The following METTL9 variants were observed in gnomAD, a reference collection of about 807,000 sequenced individuals.
The protein encoded by METTL9 is protein-L-histidine N-pros-methyltransferase.
In METTL9, 10 loss-of-function variants were observed where a neutral mutation model predicts 36.0. The observed-to-expected ratio is 0.28, with a 90% CI of 0.17 to 0.47. METTL9 has a LOEUF of 0.47. METTL9 is among the 20% of genes least tolerant of loss of function. The pLI is 0.99. For missense variants in METTL9, 246 were observed against 383.5 expected (o/e 0.64, Z 3.00); for synonymous variants, 175 against 149.7 (o/e 1.17, Z -1.23).
chr16:21,652,517 G>GA (rs1345325061), intron 4 of METTL9: 1 of 1,598,906 alleles, frequency 6.3e-7, no homozygotes, highest in East Asian at 2.2e-5. Context: ...AGGAGGAGAA[G>GA]AAAAAGAACC....
chr16:21,652,350 T>C, intron 4 of METTL9: 1 of 489,190 alleles, frequency 2.0e-6, no homozygotes, highest in Non-Finnish European at 3.6e-6. Flanking sequence ...TATGAAACTT[T>C]TTCTCAGCTA....
intron 4 of METTL9, chr16:21,640,924 C>T (rs964317598): frequency 6.6e-6 from 1 of 152,066 alleles, no homozygotes; most frequent in South Asian, 2.1e-4. Context: ...TCTGTTTAAC[C>T]TTCAGCTTTG....
At chr16:21,647,618 G>A in intron 4 of METTL9, 4 of 1,247,802 alleles carry the variant, frequency 3.2e-6, no homozygotes, top group Non-Finnish European at 4.3e-6. Context: ...ATATAAATAA[G>A]ACTAAAAATA....
Position 21,644,328 on chromosome 16 carries a change from C to T in METTL9, c.752-10899C>T, listed in dbSNP as rs1013950435. 10 of 1,613,870 alleles carry T rather than the reference C, an allele frequency of 6.2e-6. No homozygotes were observed. The African/African-American group carries it at 1.2e-4, about 19-fold the overall frequency. On this transcript the variant is annotated intron_variant, in intron 4 of 4. Transcript: ENST00000358154. ...ATGAAGGCCACGCACACACCGGTCA[C>T]ATAGACAGAGAGCAGTGATACAAGA...
chr16:21,611,235 G>C (rs1965417749), intron 1 of METTL9, among the ~76,000 whole-genome samples: 1 of 152,182 alleles, frequency 6.6e-6, no homozygotes, highest in African/African-American at 2.4e-5. Context: ...TTTGTAAAAT[G>C]ATTAATCTCT....
rs1367689730 is a variant in METTL9 at position 21,606,809 on chromosome 16, T to G, written c.166-5836T>G. ...GTATTTTTTATTATACCACATCATCTAAAATCAGTCAGTTTTTAAAATTAC... is the reference window on the plus strand; with the variant it reads ...GTATTTTTTATTATACCACATCATCGAAAATCAGTCAGTTTTTAAAATTAC... On this transcript the variant is annotated intron_variant, in intron 1 of 4. Coordinates refer to ENST00000358154, the MANE Select transcript of METTL9 (RefSeq NM_016025.5). Among the ~76,000 whole-genome samples, 3 of 152,234 alleles carry G rather than the reference T, an allele frequency of 2.0e-5. No individual in the cohort carries two copies. In the East Asian group the frequency reaches 5.8e-4, roughly 29 times the overall value.
intron 2 of METTL9, among the ~76,000 whole-genome samples, chr16:21,615,418 C>T (rs1411118992): frequency 1.3e-5 from 2 of 151,928 alleles, no homozygotes; most frequent in Non-Finnish European, 2.9e-5. Context: ...TTTATAGAGA[C>T]GGGGTTTCAC....
chr16:21,606,575 C>G (rs1386763290), intron 1 of METTL9, among the ~76,000 whole-genome samples: 1 of 152,114 alleles, frequency 6.6e-6, no homozygotes, highest in Non-Finnish European at 1.5e-5. Flanking sequence ...ACTCAGTCTT[C>G]AACTCCTTTC....
intron 4 of METTL9, chr16:21,647,049 G>T: frequency 6.4e-7 from 1 of 1,569,916 alleles, no homozygotes; most frequent in East Asian, 2.2e-5. Flanking sequence ...TTTATCTCCT[G>T]ATTTCTACAT....
At chr16:21,623,977 G>T (rs1350959328) in intron 3 of METTL9, among the ~76,000 whole-genome samples, 1 of 152,096 alleles carries the variant, frequency 6.6e-6, no homozygotes, top group Non-Finnish European at 1.5e-5. Flanking sequence ...CACCATGTTG[G>T]CCTGGATGGT....
chr16:21,651,164 A>G (rs1339686542), intron 4 of METTL9, among the ~76,000 whole-genome samples: 5 of 152,172 alleles, frequency 3.3e-5, no homozygotes, highest in Non-Finnish European at 7.4e-5. Flanking sequence ...CGGAGCTTGC[A>G]GTGAGCCGAG....
At position 21,647,316 on chromosome 16, in the gene METTL9, C is replaced by T. The variant is rs967018221; in HGVS notation, c.752-7911C>T. ...AACTTGTCTGCCTCACTTTTGCACC[C>T]GTCCAAGCACAGGTTCTCAGGCTGG... On this transcript the variant is annotated intron_variant, in intron 4 of 4. Transcript: ENST00000358154. 1.2e-5 allele frequency: 20 copies of T among 1,614,054 alleles called. No individual in the cohort carries two copies. In the Middle Eastern group the frequency reaches 1.8e-3, roughly 146 times the overall value.
chr16:21,625,676 T>C (rs1965800398), intron 4 of METTL9, among the ~76,000 whole-genome samples: 1 of 152,188 alleles, frequency 6.6e-6, no homozygotes, highest in African/African-American at 2.4e-5. Context: ...AAGAATATGT[T>C]AGAAGAAACG....
At chr16:21,618,778 A>C (rs1476342164) in intron 3 of METTL9, among the ~76,000 whole-genome samples, 1 of 151,506 alleles carries the variant, frequency 6.6e-6, no homozygotes, top group Non-Finnish European at 1.5e-5. Context: ...CAGTGGCACG[A>C]TCTCGGCTCA....
chr16:21,624,789 A>G (rs1965782707), intron 3 of METTL9, 142 bp from the exon 4 acceptor site: 2 of 772,012 alleles, frequency 2.6e-6, no homozygotes, highest in Non-Finnish European at 2.0e-6. Context: ...TGGCCATGTC[A>G]TTATTGCAAA....
intron 4 of METTL9, chr16:21,647,336 G>C: frequency 1.2e-5 from 19 of 1,614,172 alleles, no homozygotes; most frequent in Non-Finnish European, 1.6e-5. Context: ...CAGGTTCTCA[G>C]GCTGGTGAGC....
chr16:21,618,301 C>T (rs1008520737), intron 3 of METTL9, among the ~76,000 whole-genome samples: 2 of 152,078 alleles, frequency 1.3e-5, no homozygotes. Context: ...AAAGGCAGAT[C>T]AGAAGAAGGG....
Position 21,611,103 on chromosome 16 carries a change from A to T in METTL9, c.166-1542A>T, listed in dbSNP as rs369148144. ...TTCATAGCTTGTCATATAGAGTAGG[A>T]AAAATAAAAACAGTTTTATATATAA... On this transcript the variant is annotated intron_variant, in intron 1 of 4. Coordinates refer to ENST00000358154, the MANE Select transcript of METTL9 (RefSeq NM_016025.5). Among the ~76,000 whole-genome samples the T allele has an allele frequency of 1.8e-3, 269 of 152,356 alleles. 10 individuals carry two copies. In the South Asian group the frequency reaches 0.054, roughly 31 times the overall value.
Position 21,629,493 on chromosome 16 carries a change from T to C in METTL9, c.751+4378T>C, listed in dbSNP as rs76205160. On this transcript the variant is annotated intron_variant, in intron 4 of 4. Transcript: ENST00000358154. ...GGAATTGGTGGGTTCTTGGTCTCTCTGACTTCAGGAATGAAGCTACAAACC... is the reference window on the plus strand; with the variant it reads ...GGAATTGGTGGGTTCTTGGTCTCTCCGACTTCAGGAATGAAGCTACAAACC... 7.1e-3 allele frequency among the ~76,000 whole-genome samples: 1,083 copies of C among 152,318 alleles called. 9 individuals are homozygous for C. Among genetic ancestry groups the C allele is most frequent in the Non-Finnish European group, 0.011 (739 of 68,010 alleles).
Sources: allele counts gnomAD v4.1 joint callset (sites outside exome capture counted in the v4.1 genomes callset), GRCh38; gene constraint gnomAD v4.1.1; transcripts MANE v1.5; gene names NCBI Gene and HGNC (gene_info 2026-07-23, HGNC 2026-07-21).